The following C16orf87 variants were observed in gnomAD, a reference collection of about 807,000 sequenced individuals.
The protein encoded by C16orf87 is HDAC and MIER1 interacting protein 1.
C16orf87 carries 13 observed loss-of-function variants against 21.0 expected under a neutral mutation model. That is an observed-to-expected ratio of 0.62 (90% confidence interval 0.40 to 0.98). C16orf87 has a LOEUF of 0.98. C16orf87 is among the 50% of genes least tolerant of loss of function. C16orf87 has a pLI of 0.00. For synonymous variants in C16orf87, 49 were observed against 60.2 expected, an observed-to-expected ratio of 0.81 and a Z score of 0.86; for missense variants, 113 against 180.4, an observed-to-expected ratio of 0.63 and a Z score of 2.14.
chr16:46,824,403 TTC>T lies in C16orf87; in HGVS notation c.144_145del (p.Lys49IlefsTer10). On this transcript the variant is annotated frameshift_variant, in exon 2 of 4. Coordinates refer to ENST00000285697, the MANE Select transcript of C16orf87 (RefSeq NM_001001436.4). LOFTEE classifies it high-confidence loss of function. The stretch of plus-strand genomic sequence containing the variant: ...ACAGTTACCTGTAGAAGGTGGTGAT[TTC>T]TCTGAGTGTTTTGCATTTAAAAGTT... 3 of 1,519,288 alleles carry T rather than the reference TTC, an allele frequency of 2.0e-6. No homozygotes were observed. The highest frequency in any genetic ancestry group is 2.7e-6 in the Non-Finnish European group (3 of 1,102,870). 94.1% of individuals were successfully genotyped at this position (1,519,288 alleles called of 1,614,324 possible).
rs11861687 is a variant in C16orf87, at chr16:46,825,677, C to T, written c.67-1195G>A. On this transcript the variant is annotated intron_variant, in intron 1 of 3. Coordinates refer to ENST00000285697, the MANE Select transcript of C16orf87 (RefSeq NM_001001436.4). ...CTGTAATCCCAGCACTTTGGGAGGC[C>T]GAAGCAGGTGGATCACTTGAGGTCA... is the stretch of plus-strand genomic sequence containing the variant. Among the ~76,000 whole-genome samples the T allele has an allele frequency of 4.2e-3, 639 of 152,014 alleles. 4 individuals are homozygous for T. The highest frequency in any genetic ancestry group is 0.015 in the African/African-American group (609 of 41,442).
chr16:46,821,720 T>C (rs1411670065), intron 2 of C16orf87, among the ~76,000 whole-genome samples: 1 of 152,228 alleles, frequency 6.6e-6, no homozygotes, highest in Admixed American at 6.5e-5. Flanking sequence ...GTTTAGTCCC[T>C]GAATGCCTTC....
chr16:46,826,485 T>C (rs1449724053), intron 1 of C16orf87, among the ~76,000 whole-genome samples: 1 of 152,226 alleles, frequency 6.6e-6, no homozygotes, highest in Non-Finnish European at 1.5e-5. Context: ...TCTAAACACT[T>C]GATCTAATTG....
At chr16:46,829,199 A>G (rs953521107) in intron 1 of C16orf87, among the ~76,000 whole-genome samples, 1 of 152,180 alleles carries the variant, frequency 6.6e-6, no homozygotes, top group Non-Finnish European at 1.5e-5. Flanking sequence ...GAGGACACCA[A>G]GAAGACAGCC....
Position 46,802,886 on chromosome 16 carries a change from C to A in C16orf87, c.*66G>T, listed in dbSNP as rs1287400340. 3 of 786,324 alleles carry A rather than the reference C, an allele frequency of 3.8e-6. No homozygotes were observed. Among genetic ancestry groups the A allele is most frequent in the Non-Finnish European group, 6.8e-6 (3 of 440,700 alleles). 48.7% of individuals were successfully genotyped at this position (786,324 alleles called of 1,614,324 possible). A position where few individuals can be genotyped will look rare whatever the true frequency, so the allele number is the denominator to read the frequency against. Reference sequence around the variant, plus strand: ...TGCAGTCAGAATGCTCCTGAGAGTCCATAACTGTTTGAGAATTTGCTGATG... The same window carrying A: ...TGCAGTCAGAATGCTCCTGAGAGTCAATAACTGTTTGAGAATTTGCTGATG... On this transcript the variant is annotated 3_prime_UTR_variant, in exon 4 of 4. Transcript: ENST00000285697.
At chr16:46,810,496 A>T (rs1475904981) in intron 2 of C16orf87, among the ~76,000 whole-genome samples, 1 of 152,192 alleles carries the variant, frequency 6.6e-6, no homozygotes, top group East Asian at 1.9e-4. Flanking sequence ...AAAACAAAAA[A>T]GATGATACCT....
rs773577838 is a variant in C16orf87, at chr16:46,824,480, A to T, written c.69T>A (p.Val23=). The change falls in exon 2 of 4, where the codon GTT becomes GTA. Residue 23 remains valine (V), a splice_region_variant and synonymous_variant. Transcript: ENST00000285697. ...TKSCPECDQQ[V]PVACKSCPCG... is the part of the protein sequence containing the mutation. Reference sequence around the variant, plus strand: ...AAGGACATGATTTACATGCAACAGGAACCTGTAGGAAAAAAAGAAAAATAT... The same window carrying T: ...AAGGACATGATTTACATGCAACAGGTACCTGTAGGAAAAAAAGAAAAATAT... 4 of 1,476,006 alleles carry T rather than the reference A, an allele frequency of 2.7e-6. No homozygotes were observed. In the Admixed American group the frequency reaches 6.2e-5, roughly 23 times the overall value. 91.4% of individuals were successfully genotyped at this position (1,476,006 alleles called of 1,614,324 possible).
intron 3 of C16orf87, among the ~76,000 whole-genome samples, chr16:46,808,720 GT>G (rs1967996151): frequency 1.3e-5 from 2 of 152,010 alleles, no homozygotes; most frequent in African/African-American, 4.8e-5. Context: ...GAAATTTTCT[GT>G]AAGTTTTTAA....
chr16:46,801,082 G>A lies in C16orf87; in HGVS notation c.*1870C>T, dbSNP rs1967758713. On this transcript the variant is annotated 3_prime_UTR_variant, in exon 4 of 4. Transcript: ENST00000285697. ...ACAAGCTGTTCTTGCTTTTTCTGAGGACATATATATGTATACAAGCATTTT... is the reference window on the plus strand; with the variant it reads ...ACAAGCTGTTCTTGCTTTTTCTGAGAACATATATATGTATACAAGCATTTT... 1 of 152,002 alleles carries A rather than the reference G, an allele frequency of 6.6e-6. No homozygotes were observed. Among genetic ancestry groups the A allele is most frequent in the Admixed American group, 6.6e-5 (1 of 15,260 alleles). The allele number at this position is 152,002 out of a possible 1,614,324, so 9.4% of individuals were successfully genotyped here.
chr16:46,809,944 T>C (rs1278377000), intron 2 of C16orf87, among the ~76,000 whole-genome samples, 159 bp from the exon 3 acceptor site: 1 of 151,950 alleles, frequency 6.6e-6, no homozygotes, highest in Non-Finnish European at 1.5e-5. Context: ...CCCCACACCC[T>C]CATAAGAAAA....
At chr16:46,830,845 C>T in intron 1 of C16orf87, 1 of 351,928 alleles carries the variant, frequency 2.8e-6, no homozygotes, top group East Asian at 4.5e-5. Flanking sequence ...GGCCGGGACA[C>T]AGCAAGAAGG....
intron 2 of C16orf87, among the ~76,000 whole-genome samples, chr16:46,812,819 AAAC>A (rs1487778429): frequency 2.6e-5 from 4 of 152,204 alleles, no homozygotes; most frequent in African/African-American, 4.8e-5. Flanking sequence ...TGACTGTCAA[AAAC>A]AACAAAAACC....
At chr16:46,817,786 G>A (rs746001987) in intron 2 of C16orf87, among the ~76,000 whole-genome samples, 38 of 151,856 alleles carry the variant, frequency 2.5e-4, no homozygotes, top group Non-Finnish European at 4.7e-4. Flanking sequence ...AAAACAATCA[G>A]TCTTAATTAG....
At position 46,797,537 on chromosome 16, in the gene C16orf87, TG is replaced by T. The variant is rs1967647608; in HGVS notation, c.*5414del. On this transcript the variant is annotated 3_prime_UTR_variant, in exon 4 of 4. Transcript: ENST00000285697. ...TAATTTTGTGTATTTTTTGTAGAGT[TG>T]GGGTTTCACCACATTGTCCAGGCTG... The T allele has an allele frequency of 6.6e-6, 1 of 152,156 alleles. No individual in the cohort carries two copies. Among genetic ancestry groups the T allele is most frequent in the Non-Finnish European group, 1.5e-5 (1 of 68,058 alleles). 9.4% of individuals were successfully genotyped at this position (152,156 alleles called of 1,614,324 possible).
chr16:46,807,117 T>C (rs1199456038), intron 3 of C16orf87, among the ~76,000 whole-genome samples: 1 of 152,206 alleles, frequency 6.6e-6, no homozygotes, highest in African/African-American at 2.4e-5. Context: ...ACATTATATT[T>C]AAGAGTACAA....
intron 2 of C16orf87, among the ~76,000 whole-genome samples, chr16:46,814,201 A>G (rs951094751): frequency 4.6e-5 from 7 of 152,246 alleles, no homozygotes; most frequent in Admixed American, 4.6e-4. Flanking sequence ...ATCCAAAAAT[A>G]GGAGTAAGTG....
At chr16:46,822,886 C>T (rs1411880575) in intron 2 of C16orf87, among the ~76,000 whole-genome samples, 3 of 152,174 alleles carry the variant, frequency 2.0e-5, no homozygotes, top group Admixed American at 2.0e-4. Context: ...AAAATCCAAA[C>T]TTCTTACTCT....
chr16:46,805,668 T>C (rs1312388134), intron 3 of C16orf87, among the ~76,000 whole-genome samples: 1 of 152,212 alleles, frequency 6.6e-6, no homozygotes, highest in African/African-American at 2.4e-5. Flanking sequence ...AATATGCTCA[T>C]ATTTAGGAGA....
At chr16:46,826,011 G>A (rs1959605667) in intron 1 of C16orf87, among the ~76,000 whole-genome samples, 1 of 151,942 alleles carries the variant, frequency 6.6e-6, no homozygotes, top group South Asian at 2.1e-4. Flanking sequence ...CAGTTTGAGG[G>A]GCAAAAGTAT....
Sources: allele counts gnomAD v4.1 joint callset (sites outside exome capture counted in the v4.1 genomes callset), GRCh38; gene constraint gnomAD v4.1.1; transcripts MANE v1.5; gene names NCBI Gene and HGNC (gene_info 2026-07-23, HGNC 2026-07-21).